PLA2G12B: variants seen among roughly 807,000 people sequenced by gnomAD.
The protein encoded by PLA2G12B is group XIIB secretory phospholipase A2-like protein.
Under a neutral mutation model 22.3 loss-of-function variants are expected in PLA2G12B, and 19 were observed. That is an observed-to-expected ratio of 0.85 (90% CI 0.60 to 1.25). The LOEUF is 1.25. Among genes scored for constraint, PLA2G12B ranks in the 50% most tolerant of loss-of-function variants. The pLI is 0.00. For synonymous variants in PLA2G12B, 81 were observed against 94.9 expected (o/e 0.85, Z 0.85); for missense variants, 191 against 246.6 (o/e 0.77, Z 1.51).
chr10:72,948,720 A>C (rs1168660573), intron 1 of PLA2G12B, among the ~76,000 whole-genome samples: 1 of 152,278 alleles, frequency 6.6e-6, no homozygotes, highest in Non-Finnish European at 1.5e-5. Context: ...AAAAAACAGC[A>C]GAATACTGTT....
intron 3 of PLA2G12B, among the ~76,000 whole-genome samples, chr10:72,940,144 C>A (rs571197987): frequency 2.0e-5 from 3 of 152,098 alleles, no homozygotes; most frequent in Non-Finnish European, 4.4e-5. Context: ...ATTTCTAAGC[C>A]CTCACACCTT....
In PLA2G12B at chr10:72,947,952, A is replaced by G. The variant is rs761612494; in HGVS notation, c.212-5212T>C. Among the ~76,000 whole-genome samples, 9 of 152,078 alleles carry G rather than the reference A, an allele frequency of 5.9e-5. 1 individual carries two copies. The highest frequency in any genetic ancestry group is 8.8e-5 in the Non-Finnish European group (6 of 67,976). On this transcript the variant is annotated intron_variant, in intron 1 of 3. Coordinates refer to ENST00000373032, the MANE Select transcript of PLA2G12B (RefSeq NM_032562.5). ...ACTCAAGATAGCGTTTCAGCTCACT[A>G]CAACCTCCGCCTCCTGTGTTCAAGC...
At chr10:72,954,335 G>T (rs1846581449) in intron 1 of PLA2G12B, 140 bp downstream of exon 1, 2 of 936,144 alleles carry the variant, frequency 2.1e-6, no homozygotes, top group Non-Finnish European at 3.3e-6. Context: ...ATTTCACTGG[G>T]TGTCCTACAT....
At chr10:72,953,598 C>G (rs937216477) in intron 1 of PLA2G12B, among the ~76,000 whole-genome samples, 1 of 152,160 alleles carries the variant, frequency 6.6e-6, no homozygotes, top group Non-Finnish European at 1.5e-5. Context: ...CGTTTTCATG[C>G]GCATTGGCAA....
intron 2 of PLA2G12B, among the ~76,000 whole-genome samples, chr10:72,941,813 CGT>C (rs57931341): frequency 0.13 from 19,746 of 148,366 alleles, 2,388 homozygotes; most frequent in African/African-American, 0.32. Flanking sequence ...TAAGGGTGTG[CGT>C]GTGTGTGTGT....
intron 1 of PLA2G12B, 62 bp downstream of exon 1, chr10:72,954,413 T>C: frequency 6.2e-7 from 1 of 1,605,806 alleles, no homozygotes; most frequent in South Asian, 1.1e-5. Flanking sequence ...TCGTGACCTC[T>C]CTGGGGCTGT....
chr10:72,954,757 C>A lies in PLA2G12B; in HGVS notation c.-72G>T. On this transcript the variant is annotated 5_prime_UTR_variant, in exon 1 of 4. Coordinates refer to ENST00000373032, the MANE Select transcript of PLA2G12B (RefSeq NM_032562.5). The stretch of plus-strand genomic sequence containing the variant: ...TGTCCCAGAATTCCAGGGACAAACC[C>A]CCTACCCAGATGTCAGGCAGGACTG... 1 of 1,511,156 alleles carries A rather than the reference C, an allele frequency of 6.6e-7. No individual in the cohort carries two copies. The highest frequency in any genetic ancestry group is 9.1e-7 in the Non-Finnish European group (1 of 1,100,958). 93.6% of individuals were successfully genotyped at this position (1,511,156 alleles called of 1,614,324 possible).
chr10:72,937,918 C>T (rs1846302697), intron 3 of PLA2G12B, among the ~76,000 whole-genome samples: 1 of 151,810 alleles, frequency 6.6e-6, no homozygotes, highest in Admixed American at 6.6e-5. Flanking sequence ...AGTTCCAGAC[C>T]AGCCTGACAA....
chr10:72,948,667 A>C (rs1369559313), intron 1 of PLA2G12B, among the ~76,000 whole-genome samples: 1 of 152,222 alleles, frequency 6.6e-6, no homozygotes, highest in Non-Finnish European at 1.5e-5. Flanking sequence ...TTTTATTGGA[A>C]CACAGCCACA....
At chr10:72,954,048 A>G (rs1846575228) in intron 1 of PLA2G12B, among the ~76,000 whole-genome samples, 1 of 152,174 alleles carries the variant, frequency 6.6e-6, no homozygotes. Flanking sequence ...TTTTCTCTGA[A>G]TGTTCGGCTT....
intron 1 of PLA2G12B, among the ~76,000 whole-genome samples, chr10:72,943,716 A>C (rs947451675): frequency 9.8e-5 from 15 of 152,358 alleles, no homozygotes; most frequent in African/African-American, 3.6e-4. Flanking sequence ...AGCCATCTGC[A>C]GTGGGTATTT....
At chr10:72,945,301 G>T (rs1846422130) in intron 1 of PLA2G12B, among the ~76,000 whole-genome samples, 1 of 152,102 alleles carries the variant, frequency 6.6e-6, no homozygotes, top group Admixed American at 6.6e-5. Context: ...CATGATTTCT[G>T]TCTTGGGCTC....
rs369052687 is a variant in PLA2G12B at position 72,935,682 on chromosome 10, G to A, written c.523C>T (p.Arg175Cys). 15 of 1,614,172 alleles carry A rather than the reference G, an allele frequency of 9.3e-6. No individual in the cohort carries two copies. Among genetic ancestry groups the A allele is most frequent in the Middle Eastern group, 1.6e-4 (1 of 6,062 alleles). ...VFNTVWTLGCRPFMNSQRAAC... is the reference protein window; with the variant it reads ...VFNTVWTLGCCPFMNSQRAAC... ...GCCCGCTGACTATTCATAAAGGGGC[G>A]GCAGCCCAAGGTCCACACGGTGTTG... Residue 175 changes from arginine to cysteine, a missense_variant, in exon 4 of 4, where the codon CGC becomes TGC. By Grantham distance (180) the Arg-to-Cys change is radical. Transcript: ENST00000373032.
chr10:72,940,230 T>G (rs1846338241), intron 3 of PLA2G12B, among the ~76,000 whole-genome samples: 1 of 152,144 alleles, frequency 6.6e-6, no homozygotes, highest in South Asian at 2.1e-4. Context: ...CTCTCTGTGG[T>G]GTGGAGCCAG....
chr10:72,939,857 A>G (rs1385904583), intron 3 of PLA2G12B, among the ~76,000 whole-genome samples: 4 of 152,234 alleles, frequency 2.6e-5, no homozygotes, highest in Non-Finnish European at 4.4e-5. Context: ...GGAGGAATCT[A>G]TTGAATGATT....
At chr10:72,949,981 A>G (rs141930422) in intron 1 of PLA2G12B, among the ~76,000 whole-genome samples, 6 of 144,146 alleles carry the variant, frequency 4.2e-5, no homozygotes, top group African/African-American at 1.8e-4. Context: ...CGTCTCAAGA[A>G]AAACAAAATT....
chr10:72,941,052 TA>T, intron 3 of PLA2G12B, 116 bp downstream of exon 3: 1 of 1,146,426 alleles, frequency 8.7e-7, no homozygotes, highest in Non-Finnish European at 1.2e-6. Context: ...CAGTGTTCCA[TA>T]AAGAATATTC....
At chr10:72,951,680 C>T (rs1362211696) in intron 1 of PLA2G12B, among the ~76,000 whole-genome samples, 1 of 152,030 alleles carries the variant, frequency 6.6e-6, no homozygotes, top group Non-Finnish European at 1.5e-5. Context: ...AGGATGGTCT[C>T]GATCTCCTGA....
At chr10:72,950,057 G>A (rs1228934260) in intron 1 of PLA2G12B, among the ~76,000 whole-genome samples, 6 of 152,088 alleles carry the variant, frequency 3.9e-5, no homozygotes, top group Non-Finnish European at 7.4e-5. Flanking sequence ...GATGCACCAT[G>A]ATTAATACAT....
Sources: allele counts gnomAD v4.1 joint callset (sites outside exome capture counted in the v4.1 genomes callset), GRCh38; gene constraint gnomAD v4.1.1; transcripts MANE v1.5; gene names NCBI Gene and HGNC (gene_info 2026-07-23, HGNC 2026-07-21).